Variants in PICALM observed in about 807,000 individuals in gnomAD.
The protein encoded by PICALM is phosphatidylinositol-binding clathrin assembly protein.
Under a neutral mutation model 80.5 loss-of-function variants are expected in PICALM, and 40 were observed. The observed-to-expected ratio is 0.50, with a 90% CI of 0.39 to 0.65. The LOEUF (loss-of-function observed/expected upper bound fraction) is 0.65. PICALM is among the 30% of genes least tolerant of loss of function. The pLI, the probability that PICALM is intolerant of heterozygous loss-of-function variation, is 0.00. For synonymous variants in PICALM, 288 were observed against 260.3 expected (o/e 1.11, Z -1.02); for missense variants, 676 against 778.9 (o/e 0.87, Z 1.57).
intron 19 of PICALM, among the ~76,000 whole-genome samples, chr11:85,967,674 T>C (rs945568084): frequency 1.3e-5 from 2 of 151,808 alleles, no homozygotes; most frequent in African/African-American, 4.8e-5. Context: ...ACAGAGGAGG[T>C]ACTGCCAATA....
intron 1 of PICALM, among the ~76,000 whole-genome samples, chr11:86,032,855 G>C (rs1340833724): frequency 6.6e-6 from 1 of 152,128 alleles, no homozygotes; most frequent in Non-Finnish European, 1.5e-5. Context: ...TTGCTAGCAA[G>C]AAATGACAAT....
intron 19 of PICALM, among the ~76,000 whole-genome samples, chr11:85,961,710 C>A (rs979729125): frequency 2.0e-5 from 3 of 152,128 alleles, no homozygotes; most frequent in African/African-American, 7.2e-5. Context: ...AAGCACAGGA[C>A]TATTACAAAA....
intron 12 of PICALM, among the ~76,000 whole-genome samples, chr11:85,996,161 G>T (rs1223322501): frequency 6.6e-6 from 1 of 151,692 alleles, no homozygotes; most frequent in Non-Finnish European, 1.5e-5. Context: ...AAAATAAAAT[G>T]AAAAAAAGCT....
Position 86,050,228 on chromosome 11 carries a change from A to G in PICALM, c.130+18423T>C, listed in dbSNP as rs192734501. 3.9e-3 allele frequency among the ~76,000 whole-genome samples: 576 copies of G among 146,364 alleles called. 6 individuals carry two copies. The highest frequency in any genetic ancestry group is 0.014 in the African/African-American group (544 of 40,008). On this transcript the variant is annotated intron_variant, in intron 1 of 19. Coordinates refer to ENST00000393346, the MANE Select transcript of PICALM (RefSeq NM_007166.4). ...TCAAAAAAAAAAAAAAAAAAAAACT[A>G]TATCAGTAAGTTGCTTAATTTCAAG...
chr11:86,044,225 G>C (rs960997989), intron 1 of PICALM, among the ~76,000 whole-genome samples: 7 of 152,196 alleles, frequency 4.6e-5, no homozygotes, highest in African/African-American at 1.2e-4. Context: ...ATGTGTTTGA[G>C]GGAGGTTGCT....
chr11:86,025,661 C>T (rs753546992), intron 3 of PICALM, among the ~76,000 whole-genome samples: 6 of 151,858 alleles, frequency 4.0e-5, no homozygotes, highest in Non-Finnish European at 2.9e-5. Context: ...TGGGTTCAAG[C>T]GATTCTCCTG....
In PICALM at chr11:86,011,019, A is replaced by G. The variant is rs1349677859; in HGVS notation, c.765+11T>C. On this transcript the variant is annotated intron_variant, in intron 7 of 19. Transcript: ENST00000393346. Reference sequence around the variant, plus strand: ...GGCAAGTTAGGAGACAGTCACTTAAAGACAGTTTACCTCTGCAACTTTGAG... The same window carrying G: ...GGCAAGTTAGGAGACAGTCACTTAAGGACAGTTTACCTCTGCAACTTTGAG... 4.0e-6 allele frequency: 5 copies of G among 1,242,146 alleles called. No individual in the cohort carries two copies. Among genetic ancestry groups the G allele is most frequent in the Non-Finnish European group, 4.7e-6 (4 of 855,026 alleles). The allele number at this position is 1,242,146 out of a possible 1,614,324, so 76.9% of individuals were successfully genotyped here.
intron 1 of PICALM, among the ~76,000 whole-genome samples, chr11:86,048,707 C>T (rs1388937895): frequency 6.6e-6 from 1 of 151,854 alleles, no homozygotes; most frequent in African/African-American, 2.4e-5. Context: ...TGGCGCATGC[C>T]TGTAATCTCA....
In PICALM at chr11:86,068,677, A is replaced by T; in HGVS notation, c.104T>A (p.Met35Lys). Residue 35 changes from methionine (M) to lysine (K), a missense_variant, in exon 1 of 20, where the codon ATG (methionine) becomes AAG (lysine). Transcript: ENST00000393346. ...GTCCAGGTGCTTTTTCTTGGGCCCCATGATCTCGTGGGTCGTGGCCTTGCA... is the reference window on the plus strand; with the variant it reads ...GTCCAGGTGCTTTTTCTTGGGCCCCTTGATCTCGTGGGTCGTGGCCTTGCA... Reference protein sequence around the residue: ...TVCKATTHEIMGPKKKHLDYL... With the variant: ...TVCKATTHEIKGPKKKHLDYL... 1 of 1,612,028 alleles carries T rather than the reference A, an allele frequency of 6.2e-7. No individual in the cohort carries two copies. Among genetic ancestry groups the T allele is most frequent in the Non-Finnish European group, 8.5e-7 (1 of 1,179,204 alleles).
At chr11:86,044,056 G>A (rs980796001) in intron 1 of PICALM, among the ~76,000 whole-genome samples, 3 of 152,142 alleles carry the variant, frequency 2.0e-5, no homozygotes, top group Non-Finnish European at 2.9e-5. Flanking sequence ...ACTATAATAC[G>A]CCAATAGTGT....
At chr11:85,999,687 T>C (rs1395910140) in intron 11 of PICALM, among the ~76,000 whole-genome samples, 3 of 152,230 alleles carry the variant, frequency 2.0e-5, no homozygotes, top group African/African-American at 4.8e-5. Context: ...ACTGAGCTAT[T>C]AGGCTCAGCT....
chr11:86,007,501 A>G (rs769836270), intron 8 of PICALM, 41 bp downstream of exon 8: 1 of 1,161,960 alleles, frequency 8.6e-7, no homozygotes, highest in Admixed American at 1.7e-5. Flanking sequence ...CACAACTTGT[A>G]CACAACAGAT....
chr11:86,059,427 G>A (rs774125412), intron 1 of PICALM, among the ~76,000 whole-genome samples: 1 of 152,228 alleles, frequency 6.6e-6, no homozygotes, highest in Non-Finnish European at 1.5e-5. Flanking sequence ...TGGACTGACA[G>A]GACCAGGGGG....
At chr11:85,963,802 G>C (rs1053923408) in intron 19 of PICALM, among the ~76,000 whole-genome samples, 2 of 151,864 alleles carry the variant, frequency 1.3e-5, no homozygotes, top group African/African-American at 4.8e-5. Flanking sequence ...TGTCACCCAG[G>C]CTGTAGTGTA....
chr11:85,992,158 C>G (rs2094801605), intron 12 of PICALM, among the ~76,000 whole-genome samples: 1 of 151,272 alleles, frequency 6.6e-6, no homozygotes, highest in Middle Eastern at 3.2e-3. Context: ...GTTTTTAGTA[C>G]TAAAAATATA....
intron 2 of PICALM, among the ~76,000 whole-genome samples, chr11:86,028,995 G>A (rs996147062): frequency 3.3e-5 from 5 of 151,932 alleles, no homozygotes; most frequent in Middle Eastern, 3.4e-3. Context: ...GCACCACCAC[G>A]CTTGGCTAAT....
At chr11:86,038,903 A>G (rs2095894600) in intron 1 of PICALM, among the ~76,000 whole-genome samples, 2 of 152,088 alleles carry the variant, frequency 1.3e-5, no homozygotes, top group African/African-American at 4.8e-5. Flanking sequence ...CAAGGTCAGG[A>G]GTTTGAGACC....
intron 1 of PICALM, among the ~76,000 whole-genome samples, chr11:86,051,999 T>C (rs1177971774): frequency 6.6e-6 from 1 of 152,232 alleles, no homozygotes; most frequent in Non-Finnish European, 1.5e-5. Flanking sequence ...AAAGGTTTCC[T>C]TAAAGGTTAG....
At chr11:85,972,442 C>G (rs146138137) in intron 19 of PICALM, among the ~76,000 whole-genome samples, 164 of 152,270 alleles carry the variant, frequency 1.1e-3, no homozygotes, top group African/African-American at 2.9e-3. Context: ...GTTGAAGAAC[C>G]CTTCCAAGTC....
Sources: allele counts gnomAD v4.1 joint callset (sites outside exome capture counted in the v4.1 genomes callset), GRCh38; gene constraint gnomAD v4.1.1; transcripts MANE v1.5; gene names NCBI Gene and HGNC (gene_info 2026-07-23, HGNC 2026-07-21).